The following TRAPPC9 variants were observed in gnomAD, a reference collection of about 807,000 sequenced individuals.
The protein encoded by TRAPPC9 is IKK2 binding protein.
In TRAPPC9, 83 loss-of-function variants were observed where a neutral mutation model predicts 124.0. The ratio of observed to expected loss-of-function variants is 0.67; its 90% CI spans 0.56 to 0.80. TRAPPC9 has a LOEUF of 0.80. TRAPPC9 is among the 30% of genes least tolerant of loss of function. The probability of loss-of-function intolerance (pLI) is 0.00; values close to 1 mark genes in which losing one functional copy is unlikely to be tolerated. For synonymous variants in TRAPPC9, 638 were observed against 617.5 expected, an observed-to-expected ratio of 1.03 and a Z score of -0.49; for missense variants, 1,302 against 1,508.3, an observed-to-expected ratio of 0.86 and a Z score of 2.27.
intron 18 of TRAPPC9, among the ~76,000 whole-genome samples, chr8:140,006,903 T>A (rs1184614061): frequency 6.6e-6 from 1 of 152,172 alleles, no homozygotes; most frequent in East Asian, 1.9e-4. Context: ...AAAATCAGAT[T>A]GTTGTGACGG....
chr8:140,222,150 A>G (rs894513662), intron 16 of TRAPPC9, among the ~76,000 whole-genome samples: 5 of 152,072 alleles, frequency 3.3e-5, no homozygotes, highest in African/African-American at 1.2e-4. Context: ...CTCAGGCTGG[A>G]ATGAGTTCCC....
At chr8:139,978,264 G>A (rs961342403) in intron 19 of TRAPPC9, among the ~76,000 whole-genome samples, 7 of 152,308 alleles carry the variant, frequency 4.6e-5, no homozygotes, top group Non-Finnish European at 8.8e-5. Context: ...ATGTCCAAGA[G>A]GAAAAGAGGT....
At chr8:139,799,265 C>T (rs1823303485) in intron 21 of TRAPPC9, among the ~76,000 whole-genome samples, 1 of 152,040 alleles carries the variant, frequency 6.6e-6, no homozygotes, top group African/African-American at 2.4e-5. Context: ...ATAGCCCACC[C>T]ATGTAATCCG....
intron 18 of TRAPPC9, among the ~76,000 whole-genome samples, chr8:139,999,322 TA>T (rs754861749): frequency 2.6e-5 from 4 of 152,140 alleles, no homozygotes; most frequent in Non-Finnish European, 5.9e-5. Context: ...GCTGTTATAT[TA>T]ACATCAGACA....
intron 13 of TRAPPC9, among the ~76,000 whole-genome samples, chr8:140,285,189 A>G (rs2065448736): frequency 6.6e-6 from 1 of 152,214 alleles, no homozygotes; most frequent in Non-Finnish European, 1.5e-5. Context: ...GACCCAGGAT[A>G]AACAACCAAG....
chr8:140,400,272 C>T (rs571192147), intron 6 of TRAPPC9, among the ~76,000 whole-genome samples: 6 of 152,288 alleles, frequency 3.9e-5, no homozygotes, highest in Middle Eastern at 3.4e-3. Flanking sequence ...GAAGCAAAAG[C>T]GATTGGTGTG....
At chr8:140,297,303 T>A (rs1563925483) in intron 11 of TRAPPC9, among the ~76,000 whole-genome samples, 1 of 151,632 alleles carries the variant, frequency 6.6e-6, no homozygotes, top group Non-Finnish European at 1.5e-5. Context: ...TAAAAACGCA[T>A]ACACACACAC....
chr8:139,807,889 G>A (rs750940704), intron 21 of TRAPPC9, among the ~76,000 whole-genome samples: 4 of 152,216 alleles, frequency 2.6e-5, no homozygotes, highest in Non-Finnish European at 5.9e-5. Flanking sequence ...GTAGGGATGA[G>A]CTCTGGCTGT....
chr8:139,852,028 C>T (rs973931422), intron 21 of TRAPPC9, among the ~76,000 whole-genome samples: 11 of 152,120 alleles, frequency 7.2e-5, no homozygotes, highest in South Asian at 2.1e-4. Context: ...GGAGAGTCCC[C>T]GTGGGAGGTA....
At chr8:140,454,153 G>C (rs966303358) in intron 1 of TRAPPC9, among the ~76,000 whole-genome samples, 1 of 151,982 alleles carries the variant, frequency 6.6e-6, no homozygotes, top group Non-Finnish European at 1.5e-5. Flanking sequence ...GCCAGGAGTG[G>C]TAGCACACAC....
chr8:140,287,643 C>T lies in TRAPPC9; in HGVS notation c.1946G>A (p.Gly649Glu), dbSNP rs1237426322. ...AATCGTTCCAGTCGTCTGCGGGACC[C>T]CGACGAGCGTCACTGGGTACAGACC... is the stretch of plus-strand genomic sequence containing the variant. ...ESGLYPVTLV[G>E]VPQTTGTITV... The change falls in exon 13 of 23, where the codon GGG becomes GAG. Residue 649 changes from glycine to glutamate, a missense_variant. Gly to Glu is a moderately conservative substitution (Grantham distance 98, BLOSUM62 -2). Transcript: ENST00000438773. The T allele has an allele frequency of 1.9e-6, 3 of 1,614,072 alleles. No individual in the cohort carries two copies. Among genetic ancestry groups the T allele is most frequent in the South Asian group, 1.1e-5 (1 of 91,082 alleles).
At chr8:139,972,116 A>G (rs903706133) in intron 19 of TRAPPC9, among the ~76,000 whole-genome samples, 1 of 152,110 alleles carries the variant, frequency 6.6e-6, no homozygotes, top group South Asian at 2.1e-4. Context: ...GTGAGCCACC[A>G]TGCCCGGCCC....
intron 4 of TRAPPC9, among the ~76,000 whole-genome samples, chr8:140,433,483 G>A (rs549764622): frequency 4.6e-5 from 7 of 152,044 alleles, no homozygotes; most frequent in Admixed American, 6.6e-5. Flanking sequence ...CCAGCTACTC[G>A]GGAGGCTGAG....
At chr8:139,801,726 C>T (rs991812367) in intron 21 of TRAPPC9, among the ~76,000 whole-genome samples, 3 of 152,218 alleles carry the variant, frequency 2.0e-5, no homozygotes, top group African/African-American at 7.2e-5. Flanking sequence ...GGAATCCGCA[C>T]GAACTCCTCT....
chr8:140,199,250 G>A (rs914262852), intron 17 of TRAPPC9, among the ~76,000 whole-genome samples: 1 of 152,010 alleles, frequency 6.6e-6, no homozygotes, highest in Non-Finnish European at 1.5e-5. Flanking sequence ...CTGTATTTCC[G>A]ACAGGTCTCC....
intron 21 of TRAPPC9, among the ~76,000 whole-genome samples, chr8:139,797,966 A>G (rs1823220238): frequency 6.6e-6 from 1 of 152,158 alleles, no homozygotes; most frequent in Non-Finnish European, 1.5e-5. Flanking sequence ...TTTCAAGATT[A>G]TTTTTGCTAT....
intron 17 of TRAPPC9, among the ~76,000 whole-genome samples, chr8:140,168,555 G>T (rs776950833): frequency 1.2e-4 from 18 of 152,216 alleles, no homozygotes; most frequent in Middle Eastern, 3.2e-3. Flanking sequence ...GCTCATGGAT[G>T]CTGAGTAACT....
intron 20 of TRAPPC9, among the ~76,000 whole-genome samples, chr8:139,895,140 G>A (rs186536880): frequency 2.6e-3 from 390 of 152,234 alleles, no homozygotes; most frequent in African/African-American, 8.7e-3. Flanking sequence ...CCTGCAAAAC[G>A]ACATCTCCAG....
intron 5 of TRAPPC9, among the ~76,000 whole-genome samples, chr8:140,422,391 G>A (rs1401994104): frequency 6.6e-6 from 1 of 152,080 alleles, no homozygotes; most frequent in Non-Finnish European, 1.5e-5. Context: ...AAAATGAAAA[G>A]ATAACACACA....
Sources: allele counts gnomAD v4.1 joint callset (sites outside exome capture counted in the v4.1 genomes callset), GRCh38; gene constraint gnomAD v4.1.1; transcripts MANE v1.5; gene names NCBI Gene and HGNC (gene_info 2026-07-23, HGNC 2026-07-21).